SANBR: variants seen among roughly 807,000 people sequenced by gnomAD.
SANBR encodes SANT and BTB domain regulator of CSR.
A neutral mutation model predicts 101.8 loss-of-function variants in SANBR; 77 were observed. The ratio of observed to expected loss-of-function variants is 0.76; its 90% CI spans 0.63 to 0.91. The LOEUF is 0.91. Ranked by LOEUF, SANBR falls within the 40% of genes least tolerant of loss-of-function variation. The pLI is 0.00. For synonymous variants in SANBR, 279 were observed against 274.7 expected (o/e 1.02, Z -0.15); for missense variants, 875 against 853.0 (o/e 1.03, Z -0.32).
chr2:61,111,205 A>G (rs569445506), intron 16 of SANBR, among the ~76,000 whole-genome samples: 6 of 152,246 alleles, frequency 3.9e-5, no homozygotes, highest in African/African-American at 1.4e-4. Flanking sequence ...CATCCTGGCT[A>G]ACACAGTGAA....
rs1683171468 is a variant in SANBR at position 61,099,128 on chromosome 2, A to G, written c.1365+1276A>G. ...CTGAAAGAGCCTGAGGCTGTTGTAGAAAACATGCATAGTTCAAGACAAGGC... is the reference window on the plus strand; with the variant it reads ...CTGAAAGAGCCTGAGGCTGTTGTAGGAAACATGCATAGTTCAAGACAAGGC... On this transcript the variant is annotated intron_variant, in intron 12 of 21. Transcript: ENST00000402291. 3.9e-5 allele frequency among the ~76,000 whole-genome samples: 6 copies of G among 152,246 alleles called. No individual in the cohort carries two copies. The South Asian group carries it at 1.2e-3, about 32-fold the overall frequency.
At chr2:61,081,382 A>G (rs1177295) in intron 6 of SANBR, 70 bp from the exon 7 acceptor site, 799,697 of 1,421,668 alleles carry the variant, frequency 0.56, 230,815 homozygotes, top group African/African-American at 0.82. Flanking sequence ...CTTTTAAGGT[A>G]AGAAGGAGCC....
In SANBR at chr2:61,109,248, G is replaced by A; in HGVS notation, c.1696G>A (p.Val566Ile). The change falls in exon 16 of 22, where the codon GTC (valine) becomes ATC (isoleucine). Residue 566 changes from valine (V) to isoleucine (I), a missense_variant. Coordinates refer to ENST00000402291, the MANE Select transcript of SANBR (RefSeq NM_001129993.3). ...EEEEYTTGSE[V>I]TEDEVGDEEE... ...AGAAGAATATACCACTGGATCTGAG[G>A]TCACTGAAGATGAAGTTGGAGATGA... The A allele has an allele frequency of 6.3e-7, 1 of 1,577,144 alleles. No individual in the cohort carries two copies. Among genetic ancestry groups the A allele is most frequent in the South Asian group, 1.2e-5 (1 of 82,806 alleles).
chr2:61,126,944 A>G (rs1406314195), downstream of SANBR, among the ~76,000 whole-genome samples: 2 of 152,060 alleles, frequency 1.3e-5, no homozygotes, highest in African/African-American at 2.4e-5. Flanking sequence ...GGCTGTTATA[A>G]TTCAGGTTTT....
intron 21 of SANBR, among the ~76,000 whole-genome samples, chr2:61,135,451 CCTCT>C (rs1331052430): frequency 6.6e-6 from 1 of 152,136 alleles, no homozygotes; most frequent in Non-Finnish European, 1.5e-5. Context: ...AGAGTTAATG[CCTCT>C]CTGACAGTGG....
At chr2:61,106,461 T>C in intron 13 of SANBR, 102 bp from the exon 14 acceptor site, 3 of 775,652 alleles carry the variant, frequency 3.9e-6, no homozygotes, top group Non-Finnish European at 6.4e-6. Context: ...GGAACTGTAT[T>C]TCTAAAAAGC....
At chr2:61,128,536 A>G (rs568148622), downstream of SANBR, among the ~76,000 whole-genome samples, 3 of 151,760 alleles carry the variant, frequency 2.0e-5, no homozygotes, top group African/African-American at 7.2e-5. Flanking sequence ...CTTCTTGCCC[A>G]GGCTGGAGTG....
chr2:61,118,680 G>A (rs1684198383), intron 20 of SANBR, among the ~76,000 whole-genome samples: 1 of 142,728 alleles, frequency 7.0e-6, no homozygotes, highest in African/African-American at 2.6e-5. Flanking sequence ...TCCTGCCTCA[G>A]CCTCCCAAGT....
chr2:61,070,801 ATCTC>A (rs1237670767), intron 3 of SANBR, among the ~76,000 whole-genome samples: 1 of 149,652 alleles, frequency 6.7e-6, no homozygotes, highest in Non-Finnish European at 1.5e-5. Context: ...TTGAGGCAGG[ATCTC>A]TCTATCATCC....
intron 20 of SANBR, among the ~76,000 whole-genome samples, chr2:61,120,305 A>G (rs1684271414): frequency 6.7e-6 from 1 of 148,748 alleles, no homozygotes; most frequent in Admixed American, 6.7e-5. Context: ...GATCAAGACC[A>G]TCTGGCCAAC....
chr2:61,094,325 C>T (rs1231712213), intron 11 of SANBR, among the ~76,000 whole-genome samples: 1 of 152,150 alleles, frequency 6.6e-6, no homozygotes, highest in South Asian at 2.1e-4. Context: ...TCTGTTTTCT[C>T]TATATATAGT....
At chr2:61,106,789 C>T in intron 14 of SANBR, 127 bp downstream of exon 14, 1 of 564,652 alleles carries the variant, frequency 1.8e-6, no homozygotes, top group Non-Finnish European at 3.1e-6. Flanking sequence ...GGTATTATGC[C>T]TAGTAATAGG....
intron 5 of SANBR, chr2:61,075,180 G>A (rs573914305): frequency 2.0e-5 from 3 of 152,296 alleles, no homozygotes; most frequent in Admixed American, 2.0e-4. Context: ...AGGACAGTGT[G>A]TCTCTCTCTG....
intron 17 of SANBR, chr2:61,117,089 C>A: frequency 2.2e-6 from 1 of 461,048 alleles, no homozygotes; most frequent in East Asian, 3.8e-5. Flanking sequence ...AGCTGGGATT[C>A]CAAGGTTAAC....
Position 61,122,560 on chromosome 2 carries a change from T to C in SANBR, c.*398T>C. On this transcript the variant is annotated 3_prime_UTR_variant, in exon 22 of 22. Transcript: ENST00000402291. ...ACCATGCATGGCACTGATTGTAGTA[T>C]GTCTTTGGAGCTGTAAATCTTGAGA... 1 of 992,868 alleles carries C rather than the reference T, an allele frequency of 1.0e-6. No homozygotes were observed. The highest frequency in any genetic ancestry group is 4.6e-5 in the South Asian group (1 of 21,534). 61.5% of individuals were successfully genotyped at this position (992,868 alleles called of 1,614,324 possible).
chr2:61,099,156 G>A (rs181860353), intron 12 of SANBR, among the ~76,000 whole-genome samples: 1 of 152,364 alleles, frequency 6.6e-6, no homozygotes, highest in East Asian at 1.9e-4. Context: ...GACAAGGCTG[G>A]AGAGGTAGGT....
At chr2:61,068,622 G>A (rs975523099) in intron 1 of SANBR, among the ~76,000 whole-genome samples, 7 of 152,140 alleles carry the variant, frequency 4.6e-5, no homozygotes, top group Non-Finnish European at 8.8e-5. Flanking sequence ...GTAAGAATCT[G>A]TAGCTGACTC....
chr2:61,103,883 C>G lies in SANBR; in HGVS notation c.1396C>G (p.Leu466Val). ...GCKVRDHMVT[L>V]RDQGEGGDLP... is the part of the protein sequence containing the mutation. ...TAAAGTGAGGGACCACATGGTTACA[C>G]TTCGTGATCAAGGTGAAGGCGGAGA... is the stretch of plus-strand genomic sequence containing the variant. Residue 466 changes from leucine to valine, a missense_variant, in exon 13 of 22, where the codon CTT becomes GTT. Coordinates refer to ENST00000402291, the MANE Select transcript of SANBR (RefSeq NM_001129993.3). The G allele has an allele frequency of 6.2e-7, 1 of 1,614,236 alleles. No individual in the cohort carries two copies. Among genetic ancestry groups the G allele is most frequent in the Non-Finnish European group, 8.5e-7 (1 of 1,180,040 alleles).
chr2:61,133,383 G>T (rs1684747296), intron 20 of SANBR, among the ~76,000 whole-genome samples: 1 of 152,180 alleles, frequency 6.6e-6, no homozygotes, highest in Non-Finnish European at 1.5e-5. Flanking sequence ...GGTGATGGTT[G>T]CACAACATTG....
Sources: allele counts gnomAD v4.1 joint callset (sites outside exome capture counted in the v4.1 genomes callset), GRCh38; gene constraint gnomAD v4.1.1; transcripts MANE v1.5; gene names NCBI Gene and HGNC (gene_info 2026-07-23, HGNC 2026-07-21).